GMPR: variants seen among roughly 807,000 people sequenced by gnomAD.
The protein encoded by GMPR is guanosine monophosphate reductase.
A neutral mutation model predicts 38.4 loss-of-function variants in GMPR; 31 were observed. The observed-to-expected ratio is 0.81, with a 90% CI of 0.61 to 1.09. GMPR has a LOEUF of 1.09. GMPR is among the 50% of genes least tolerant of loss of function. The pLI is 0.00. For missense variants in GMPR, 468 were observed against 453.7 expected (o/e 1.03, Z -0.29); for synonymous variants, 162 against 173.3 (o/e 0.93, Z 0.51).
At position 16,265,958 on chromosome 6, in the gene GMPR, G is replaced by C. The variant is rs571373171; in HGVS notation, c.466-8457G>C. On this transcript the variant is annotated intron_variant, in intron 4 of 8. Coordinates refer to ENST00000259727, the MANE Select transcript of GMPR (RefSeq NM_006877.4). ...GAGACCACGAAGCCACCCGCCGGGA[G>C]AAAGGAACAATTGTGGATGTGCAAC... is the stretch of plus-strand genomic sequence containing the variant. 3.9e-5 allele frequency among the ~76,000 whole-genome samples: 6 copies of C among 152,212 alleles called. 1 individual carries two copies. The highest frequency in any genetic ancestry group is 1.4e-4 in the African/African-American group (6 of 41,530).
chr6:16,256,335 G>A (rs1409412067), intron 4 of GMPR, among the ~76,000 whole-genome samples: 1 of 143,050 alleles, frequency 7.0e-6, no homozygotes, highest in Non-Finnish European at 1.5e-5. Context: ...CCAAGATGGT[G>A]AAACCCTGCA....
At chr6:16,260,995 A>G (rs901603951) in intron 4 of GMPR, among the ~76,000 whole-genome samples, 1 of 152,004 alleles carries the variant, frequency 6.6e-6, no homozygotes, top group Non-Finnish European at 1.5e-5. Flanking sequence ...AGATTTTGGA[A>G]GTTATGAGAA....
chr6:16,274,426 G>A lies in GMPR; in HGVS notation c.477G>A (p.Val159=), dbSNP rs1234262096. Residue 159 remains valine (V), a synonymous_variant, in exon 5 of 9, where the codon GTG becomes GTA. Transcript: ENST00000259727. ...TCTTTCTGTCTCAGGCAGGGAACGT[G>A]GTGACAGGAGAAATGGTAGAAGAGC... ...FPEHTIMAGN[V]VTGEMVEELI... is the part of the protein sequence containing the mutation. 1 of 1,599,260 alleles carries A rather than the reference G, an allele frequency of 6.3e-7. No homozygotes were observed. Among genetic ancestry groups the A allele is most frequent in the Non-Finnish European group, 8.6e-7 (1 of 1,166,486 alleles).
intron 1 of GMPR, 72 bp from the exon 2 acceptor site, chr6:16,246,770 A>G (rs773880662): frequency 6.7e-7 from 1 of 1,482,092 alleles, no homozygotes; most frequent in South Asian, 1.2e-5. Context: ...AACTCCAGAA[A>G]TTCTGCACAT....
rs551466817 is a variant in GMPR at position 16,266,339 on chromosome 6, G to A, written c.466-8076G>A. ...AGGAGGAACGAACAACTCTGGGTGCGCCACCTTTAAGAGCTGTAACACTCA... is the reference window on the plus strand; with the variant it reads ...AGGAGGAACGAACAACTCTGGGTGCACCACCTTTAAGAGCTGTAACACTCA... On this transcript the variant is annotated intron_variant, in intron 4 of 8. Transcript: ENST00000259727. Among the ~76,000 whole-genome samples the A allele has an allele frequency of 2.0e-4, 30 of 149,952 alleles. 1 individual carries two copies. In the South Asian group the frequency reaches 5.3e-3, roughly 27 times the overall value.
At chr6:16,241,801 G>T (rs1183376061) in intron 1 of GMPR, among the ~76,000 whole-genome samples, 1 of 152,096 alleles carries the variant, frequency 6.6e-6, no homozygotes, top group Non-Finnish European at 1.5e-5. Context: ...GAGTGCAGTG[G>T]TGTGATCTTG....
At chr6:16,279,650 A>G (rs1433452888) in intron 6 of GMPR, among the ~76,000 whole-genome samples, 2 of 152,212 alleles carry the variant, frequency 1.3e-5, no homozygotes. Context: ...TCAGATGAGA[A>G]GAAAGAAGGG....
intron 4 of GMPR, 90 bp from the exon 5 acceptor site, chr6:16,274,325 A>G: frequency 1.2e-6 from 1 of 842,938 alleles, no homozygotes; most frequent in South Asian, 1.4e-5. Context: ...GCTTTAGGAC[A>G]TGCACATCCT....
chr6:16,277,033 C>T (rs990725659), intron 5 of GMPR, among the ~76,000 whole-genome samples: 1 of 152,214 alleles, frequency 6.6e-6, no homozygotes, highest in African/African-American at 2.4e-5. Context: ...CCCCCACCCC[C>T]GGATCTAGCA....
chr6:16,293,135 TC>T (rs2113351106), intron 8 of GMPR, among the ~76,000 whole-genome samples: 1 of 152,320 alleles, frequency 6.6e-6, no homozygotes, highest in African/African-American at 2.4e-5. Context: ...GCTGGTTCTT[TC>T]CCAATCATTA....
intron 6 of GMPR, among the ~76,000 whole-genome samples, chr6:16,281,928 C>A (rs148211529): frequency 6.6e-6 from 1 of 152,308 alleles, no homozygotes; most frequent in East Asian, 1.9e-4. Context: ...CAGCTCAGTC[C>A]TTGTAAGCAG....
chr6:16,247,370 T>A (rs1418823418), intron 2 of GMPR, among the ~76,000 whole-genome samples: 1 of 151,428 alleles, frequency 6.6e-6, no homozygotes, highest in Non-Finnish European at 1.5e-5. Flanking sequence ...CTGCAGATAA[T>A]GTATTTCTTT....
Position 16,238,720 on chromosome 6 carries a change from G to A in GMPR, c.27G>A (p.Lys9=), listed in dbSNP as rs1471699924. ...TGCCCCGCATAGATGCGGACCTCAA[G>A]CTCGACTTCAAGGATGTCCTGCTCC... MPRIDADL[K]LDFKDVLLRP... The change falls in exon 1 of 9, where the codon AAG becomes AAA. Residue 9 remains lysine (K), a synonymous_variant. Transcript: ENST00000259727. 17 of 1,443,712 alleles carry A rather than the reference G, an allele frequency of 1.2e-5. No individual in the cohort carries two copies. The highest frequency in any genetic ancestry group is 2.3e-5 in the Admixed American group (1 of 43,364). 89.4% of individuals were successfully genotyped at this position (1,443,712 alleles called of 1,614,324 possible). A position where few individuals can be genotyped will look rare whatever the true frequency, so the allele number is the denominator to read the frequency against.
intron 4 of GMPR, chr6:16,262,829 T>C (rs1759112881): frequency 6.6e-6 from 1 of 152,002 alleles, no homozygotes. Flanking sequence ...CTAAACGCTA[T>C]CCGATTTGGG....
At chr6:16,272,459 T>C (rs9367909) in intron 4 of GMPR, among the ~76,000 whole-genome samples, 9,958 of 152,296 alleles carry the variant, frequency 0.065, 675 homozygotes, top group African/African-American at 0.18. Flanking sequence ...GGAAAACTCA[T>C]ACTACAATAA....
At chr6:16,261,205 G>A (rs1326429066) in intron 4 of GMPR, among the ~76,000 whole-genome samples, 1 of 151,978 alleles carries the variant, frequency 6.6e-6, no homozygotes, top group African/African-American at 2.4e-5. Context: ...AAGGAAAGGA[G>A]TTGCTGTTTT....
intron 2 of GMPR, among the ~76,000 whole-genome samples, chr6:16,247,575 G>T (rs1003320333): frequency 6.6e-6 from 1 of 152,112 alleles, no homozygotes; most frequent in Non-Finnish European, 1.5e-5. Context: ...GGGTTTCACC[G>T]TGTTGGCCAA....
At position 16,289,068 on chromosome 6, in the gene GMPR, G is replaced by A. The variant is rs538578410; in HGVS notation, c.698-1394G>A. On this transcript the variant is annotated intron_variant, in intron 7 of 8. Coordinates refer to ENST00000259727, the MANE Select transcript of GMPR (RefSeq NM_006877.4). Reference sequence around the variant, plus strand: ...CCTTCTGGCTCCTTTTCTTTGGGAGGGTGATTTGTTGTTTCGCTCTTTGCA... The same window carrying A: ...CCTTCTGGCTCCTTTTCTTTGGGAGAGTGATTTGTTGTTTCGCTCTTTGCA... Among the ~76,000 whole-genome samples the A allele has an allele frequency of 3.9e-5, 6 of 152,256 alleles. No homozygotes were observed. In the South Asian group the frequency reaches 1.0e-3, roughly 26 times the overall value.
At chr6:16,252,574 A>G (rs1758897525) in intron 3 of GMPR, among the ~76,000 whole-genome samples, 1 of 152,170 alleles carries the variant, frequency 6.6e-6, no homozygotes, top group African/African-American at 2.4e-5. Flanking sequence ...TTGGCAATGT[A>G]TTGTTAACTG....
Sources: gnomAD v4.1 joint callset for allele counts (sites outside exome capture counted in the v4.1 genomes callset) on GRCh38, gnomAD v4.1.1 for gene constraint, MANE v1.5 for transcripts, NCBI Gene and HGNC (gene_info 2026-07-23, HGNC 2026-07-21) for gene names.